The following TRAPPC4 variants were observed in gnomAD, a reference collection of about 807,000 sequenced individuals.
TRAPPC4 encodes the protein trafficking protein particle complex subunit 4, also known as TRS23 homolog.
In TRAPPC4, 30 loss-of-function variants were observed where a neutral mutation model predicts 23.5. The ratio of observed to expected loss-of-function variants is 1.28; its 90% CI spans 0.96 to 1.73. The LOEUF is 1.73. TRAPPC4 is among the 40% of genes most tolerant of loss of function. The pLI, the probability that TRAPPC4 is intolerant of heterozygous loss-of-function variation, is 0.00. For missense variants in TRAPPC4, 252 were observed against 268.9 expected (o/e 0.94, Z 0.44); for synonymous variants, 129 against 105.3 (o/e 1.23, Z -1.38).
rs145539875 is a variant in TRAPPC4, at chr11:119,020,182, A to G, written c.383A>G (p.Glu128Gly). Residue 128 changes from glutamate (E) to glycine (G), a missense_variant, in exon 3 of 5, where the codon GAA (glutamate) becomes GGA (glycine). Glu to Gly is a moderately conservative substitution (Grantham distance 98). This residue lies in a region of TRAPPC4 where 222 missense variants were observed against 217.8 expected (regional missense o/e 1.02). Coordinates refer to ENST00000533632, the MANE Select transcript of TRAPPC4 (RefSeq NM_016146.6). ...LFAIGSQLSP[E>G]QGSSGIEMLE... ...GCCATCGGCTCCCAGCTGTCTCCTG[A>G]ACAGGGAAGCTCAGGCATTGAGATG... 4.3e-6 allele frequency: 7 copies of G among 1,613,900 alleles called. No individual in the cohort carries two copies. The African/African-American group carries it at 9.3e-5, about 22-fold the overall frequency.
chr11:119,021,423 G>A (rs1943355403), intron 3 of TRAPPC4: 1 of 214,602 alleles, frequency 4.7e-6, no homozygotes, highest in Non-Finnish European at 9.4e-6. Context: ...GATTGCCAGT[G>A]TCATTGCTTC....
intron 3 of TRAPPC4, chr11:119,020,467 C>A: frequency 2.1e-6 from 1 of 484,908 alleles, no homozygotes; most frequent in Non-Finnish European, 3.8e-6. Flanking sequence ...GTTGCCCAGG[C>A]TGGAATGCAG....
chr11:119,023,468 G>C lies in TRAPPC4; in HGVS notation c.*69G>C. ...CAAGAATACTGCTGTTGACACTCCA[G>C]TGGAAATCCCAGCAGCCTTGTTAGT... On this transcript the variant is annotated 3_prime_UTR_variant, in exon 5 of 5. Coordinates refer to ENST00000533632, the MANE Select transcript of TRAPPC4 (RefSeq NM_016146.6). 1 of 1,476,946 alleles carries C rather than the reference G, an allele frequency of 6.8e-7. No individual in the cohort carries two copies. Among genetic ancestry groups the C allele is most frequent in the Non-Finnish European group, 9.5e-7 (1 of 1,056,466 alleles). The allele number at this position is 1,476,946 out of a possible 1,614,324, so 91.5% of individuals were successfully genotyped here. A position where few individuals can be genotyped will look rare whatever the true frequency, so the allele number is the denominator to read the frequency against.
intron 2 of TRAPPC4, 50 bp from the exon 3 acceptor site, chr11:119,020,100 G>T (rs782756706): frequency 7.2e-7 from 1 of 1,397,074 alleles, no homozygotes; most frequent in Non-Finnish European, 1.0e-6. Flanking sequence ...TTCAGTGGAA[G>T]TTTGAGAAGC....
intron 3 of TRAPPC4, chr11:119,021,437 C>T: frequency 4.2e-6 from 1 of 238,656 alleles, no homozygotes; most frequent in Non-Finnish European, 8.3e-6. Context: ...TTGCTTCACC[C>T]TCTTCATTTA....
In TRAPPC4 at chr11:119,019,205, A is replaced by G. The variant is rs1427439023; in HGVS notation, c.238A>G (p.Lys80Glu). 1.2e-6 allele frequency: 2 copies of G among 1,614,140 alleles called. No individual in the cohort carries two copies. Among genetic ancestry groups the G allele is most frequent in the Non-Finnish European group, 8.5e-7 (1 of 1,180,034 alleles). ...DVNGRYTADG[K>E]EVLEYLGNPA... ...GAATGGCAGGTACACGGCCGACGGGAAAGAGGTGCTGGAGTATCTGGGTAA... is the reference window on the plus strand; with the variant it reads ...GAATGGCAGGTACACGGCCGACGGGGAAGAGGTGCTGGAGTATCTGGGTAA... Residue 80 changes from lysine (K) to glutamate (E), a missense_variant, in exon 2 of 5, where the codon AAA becomes GAA. Physicochemically the swap from Lys to Glu is moderately conservative, Grantham distance 56. Coordinates refer to ENST00000533632, the MANE Select transcript of TRAPPC4 (RefSeq NM_016146.6).
In TRAPPC4 at chr11:119,020,215, C is replaced by T; in HGVS notation, c.416C>T (p.Thr139Ile). 1 of 1,613,870 alleles carries T rather than the reference C, an allele frequency of 6.2e-7. No homozygotes were observed. Among genetic ancestry groups the T allele is most frequent in the Non-Finnish European group, 8.5e-7 (1 of 1,179,978 alleles). ...AGCTCAGGCATTGAGATGCTGGAGA[C>T]AGACACATTCAAATTGCACTGCTAC... ...QGSSGIEMLE[T>I]DTFKLHCYQT... Residue 139 changes from threonine to isoleucine, a missense_variant, in exon 3 of 5, where the codon ACA becomes ATA. Thr to Ile is a moderately conservative substitution (Grantham distance 89). Transcript: ENST00000533632.
In TRAPPC4 at chr11:119,018,984, G is replaced by C. The variant is rs1272075082; in HGVS notation, c.175+14G>C. The C allele has an allele frequency of 4.4e-6, 7 of 1,608,404 alleles. No individual in the cohort carries two copies. The highest frequency in any genetic ancestry group is 5.9e-6 in the Non-Finnish European group (7 of 1,177,948). On this transcript the variant is annotated intron_variant, in intron 1 of 4. Transcript: ENST00000533632. ...ACGGCATCCGAGGTGGGCTAGGCTCGGGCCCGTGGCGGGTGCGGGGGTGGG... is the reference window on the plus strand; with the variant it reads ...ACGGCATCCGAGGTGGGCTAGGCTCCGGCCCGTGGCGGGTGCGGGGGTGGG...
chr11:119,021,489 T>G, intron 3 of TRAPPC4: 1 of 299,082 alleles, frequency 3.3e-6, no homozygotes, highest in South Asian at 5.2e-5. Context: ...GCAATGTTTC[T>G]GCTGAGGGAC....
intron 2 of TRAPPC4, chr11:119,019,605 C>T: frequency 2.8e-6 from 1 of 359,966 alleles, no homozygotes; most frequent in East Asian, 6.4e-5. Context: ...CCACGACCAG[C>T]TAATTTTTGT....
chr11:119,019,999 T>C, intron 2 of TRAPPC4, 151 bp from the exon 3 acceptor site: 1 of 540,846 alleles, frequency 1.8e-6, no homozygotes, highest in Non-Finnish European at 3.3e-6. Context: ...TCAAATGAAC[T>C]TAGAAATTTT....
chr11:119,022,954 GATGT>G (rs1398848794), intron 4 of TRAPPC4: 10,281 of 34,710 alleles, frequency 0.3, 532 homozygotes, highest in South Asian at 0.52. Flanking sequence ...TTTTTTTGTT[GATGT>G]TTTTTTTTTT....
intron 2 of TRAPPC4, 142 bp downstream of exon 2, chr11:119,019,459 G>C: frequency 1.1e-6 from 1 of 914,672 alleles, no homozygotes; most frequent in Non-Finnish European, 1.6e-6. Flanking sequence ...TTTTTTGCTG[G>C]GTGGGGAGGG....
Position 119,023,322 on chromosome 11 carries a change from T to C in TRAPPC4, c.583T>C (p.Cys195Arg), listed in dbSNP as rs538711421. 1.2e-6 allele frequency: 2 copies of C among 1,613,984 alleles called. No homozygotes were observed. Among genetic ancestry groups the C allele is most frequent in the East Asian group, 2.2e-5 (1 of 44,874 alleles). Reference protein sequence around the residue: ...PFYSLEMPIRCELFDQNLKLA... With the variant: ...PFYSLEMPIRRELFDQNLKLA... Reference sequence around the variant, plus strand: ...TTCCTCACCCTGGGCCCGGCTTAGGTGTGAGCTCTTTGACCAGAACCTGAA... The same window carrying C: ...TTCCTCACCCTGGGCCCGGCTTAGGCGTGAGCTCTTTGACCAGAACCTGAA... The change falls in exon 5 of 5, where the codon TGT (cysteine) becomes CGT (arginine). Residue 195 changes from cysteine to arginine, a missense_variant and splice_region_variant. Coordinates refer to ENST00000533632, the MANE Select transcript of TRAPPC4 (RefSeq NM_016146.6).
Position 119,023,193 on chromosome 11 carries a change from G to T in TRAPPC4, c.582-128G>T. 2.4e-6 allele frequency: 2 copies of T among 824,744 alleles called. 1 individual carries two copies. Among genetic ancestry groups the T allele is most frequent in the South Asian group, 3.0e-5 (2 of 65,706 alleles). The allele number at this position is 824,744 out of a possible 1,614,324, so 51.1% of individuals were successfully genotyped here. On this transcript the variant is annotated intron_variant, in intron 4 of 4. Coordinates refer to ENST00000533632, the MANE Select transcript of TRAPPC4 (RefSeq NM_016146.6). ...TTGGCCAGGCTAGTCTCAAAGTCCT[G>T]ACCTCAGCTGATCCGCCCACCTCAG... is the stretch of plus-strand genomic sequence containing the variant.
intron 4 of TRAPPC4, 94 bp downstream of exon 4, chr11:119,021,980 C>CT (rs1380824082): frequency 3.4e-6 from 5 of 1,471,916 alleles, no homozygotes; most frequent in South Asian, 2.6e-5. Context: ...TAGAGTATTA[C>CT]TTTTTTTGTT....
rs781828088 is a variant in TRAPPC4, at chr11:119,019,210, G to A, written c.243G>A (p.Glu81=). 4.3e-6 allele frequency: 7 copies of A among 1,614,230 alleles called. No individual in the cohort carries two copies. The highest frequency in any genetic ancestry group is 5.9e-6 in the Non-Finnish European group (7 of 1,180,044). The change falls in exon 2 of 5, where the codon GAG becomes GAA. Residue 81 remains glutamate, a synonymous_variant. Coordinates refer to ENST00000533632, the MANE Select transcript of TRAPPC4 (RefSeq NM_016146.6). The part of the protein sequence containing the change: ...VNGRYTADGK[E]VLEYLGNPAN... The stretch of plus-strand genomic sequence containing the variant: ...GCAGGTACACGGCCGACGGGAAAGA[G>A]GTGCTGGAGTATCTGGGTAACCCTG...
intron 2 of TRAPPC4, 121 bp downstream of exon 2, chr11:119,019,438 T>A: frequency 9.0e-7 from 1 of 1,115,782 alleles, no homozygotes; most frequent in Non-Finnish European, 1.3e-6. Context: ...ATAACGGCAG[T>A]GGTGTCATCT....
intron 3 of TRAPPC4, 85 bp downstream of exon 3, chr11:119,020,338 G>C (rs1943320675): frequency 8.9e-7 from 1 of 1,123,706 alleles, no homozygotes; most frequent in East Asian, 2.5e-5. Flanking sequence ...AGGTGGGCCA[G>C]AGGAGTGTGG....
Sources: gnomAD v4.1 joint callset for allele counts on GRCh38, gnomAD v4.1.1 for gene constraint, gnomAD v4.1.1 regional missense constraint, MANE v1.5 for transcripts, NCBI Gene and HGNC (gene_info 2026-07-23, HGNC 2026-07-21) for gene names.